The following DSCAM variants were observed in gnomAD, a reference collection of about 807,000 sequenced individuals.
DSCAM encodes cell adhesion molecule DSCAM.
In DSCAM, 47 loss-of-function variants were observed where a neutral mutation model predicts 217.7. That is an observed-to-expected ratio of 0.22 (90% CI 0.17 to 0.28). The LOEUF (loss-of-function observed/expected upper bound fraction) is 0.28. Ranked by LOEUF, DSCAM falls within the 10% of genes least tolerant of loss-of-function variation. The probability of loss-of-function intolerance (pLI) is 1.00; values close to 1 mark genes in which losing one functional copy is unlikely to be tolerated. For synonymous variants in DSCAM, 1,056 were observed against 1,015.3 expected, an observed-to-expected ratio of 1.04 and a Z score of -0.76; for missense variants, 2,080 against 2,618.3, an observed-to-expected ratio of 0.79 and a Z score of 4.49.
chr21:40,612,413 T>C (rs969335429), intron 3 of DSCAM, among the ~76,000 whole-genome samples: 1 of 152,032 alleles, frequency 6.6e-6, no homozygotes, highest in Non-Finnish European at 1.5e-5. Flanking sequence ...ATGCTAGAGA[T>C]AGCATGTGGA....
chr21:40,190,061 A>G (rs562315738), intron 11 of DSCAM, among the ~76,000 whole-genome samples: 64 of 152,302 alleles, frequency 4.2e-4, no homozygotes, highest in African/African-American at 1.4e-3. Context: ...GCAAACCTTT[A>G]TCAGTCACTG....
intron 3 of DSCAM, among the ~76,000 whole-genome samples, chr21:40,660,240 C>G (rs1201041171): frequency 1.3e-5 from 2 of 152,070 alleles, no homozygotes; most frequent in Non-Finnish European, 2.9e-5. Flanking sequence ...AGATCGTATA[C>G]TGTGCCCTCT....
chr21:40,439,440 T>G (rs1292653843), intron 3 of DSCAM, among the ~76,000 whole-genome samples: 4 of 152,144 alleles, frequency 2.6e-5, no homozygotes, highest in Non-Finnish European at 5.9e-5. Context: ...TGAAACATAG[T>G]TCTATAAAGG....
intron 11 of DSCAM, among the ~76,000 whole-genome samples, chr21:40,245,469 A>G (rs1485643051): frequency 6.6e-6 from 1 of 152,156 alleles, no homozygotes; most frequent in Non-Finnish European, 1.5e-5. Context: ...GTGATTTCGC[A>G]TGAGGTTCCC....
intron 11 of DSCAM, among the ~76,000 whole-genome samples, chr21:40,214,066 G>A (rs80002728): frequency 0.035 from 5,260 of 152,262 alleles, 130 homozygotes; most frequent in African/African-American, 0.066. Flanking sequence ...GCAAACACAC[G>A]AAGCGAGACA....
intron 3 of DSCAM, among the ~76,000 whole-genome samples, chr21:40,441,870 A>ACTCAT (rs1481249629): frequency 1.3e-5 from 2 of 151,696 alleles, no homozygotes; most frequent in African/African-American, 4.8e-5. Context: ...TTTGTTGGCA[A>ACTCAT]CTCATCTCCA....
intron 19 of DSCAM, among the ~76,000 whole-genome samples, chr21:40,129,283 T>C (rs2090130455): frequency 6.6e-6 from 1 of 152,236 alleles, no homozygotes; most frequent in Non-Finnish European, 1.5e-5. Flanking sequence ...ACAGCTGTCA[T>C]CCCACCAAGC....
chr21:40,425,872 A>T (rs984506216), intron 3 of DSCAM, among the ~76,000 whole-genome samples: 1 of 152,176 alleles, frequency 6.6e-6, no homozygotes, highest in Non-Finnish European at 1.5e-5. Flanking sequence ...TGTTAACTAT[A>T]TATGTTATAT....
At chr21:40,342,211 T>C (rs1003293832) in intron 6 of DSCAM, among the ~76,000 whole-genome samples, 1 of 152,158 alleles carries the variant, frequency 6.6e-6, no homozygotes, top group African/African-American at 2.4e-5. Flanking sequence ...AGTATCTATG[T>C]CAGATATCTT....
At chr21:40,733,953 T>C (rs1789938912) in intron 1 of DSCAM, among the ~76,000 whole-genome samples, 1 of 152,212 alleles carries the variant, frequency 6.6e-6, no homozygotes, top group African/African-American at 2.4e-5. Flanking sequence ...TATATCTTTC[T>C]GTTAATTGAT....
At chr21:40,251,446 C>T (rs545730200) in intron 11 of DSCAM, among the ~76,000 whole-genome samples, 11 of 152,206 alleles carry the variant, frequency 7.2e-5, no homozygotes, top group African/African-American at 1.9e-4. Flanking sequence ...TTTCCTTCTA[C>T]GTAGATCAGA....
intron 14 of DSCAM, 90 bp from the exon 15 acceptor site, chr21:40,179,184 C>CAGAAAAAAA (rs2090770116): frequency 1.0e-5 from 1 of 100,438 alleles, no homozygotes; most frequent in African/African-American, 5.5e-5. Flanking sequence ...AATTAAAAAC[C>CAGAAAAAAA]AAAAAAAAAA....
At chr21:40,186,439 A>G (rs569835919) in intron 14 of DSCAM, among the ~76,000 whole-genome samples, 25 of 152,278 alleles carry the variant, frequency 1.6e-4, no homozygotes, top group African/African-American at 6.0e-4. Flanking sequence ...AATTCTGACT[A>G]GAGGCCACTG....
intron 26 of DSCAM, among the ~76,000 whole-genome samples, chr21:40,076,210 T>C (rs771589703): frequency 2.7e-4 from 41 of 152,104 alleles, no homozygotes; most frequent in Non-Finnish European, 5.6e-4. Flanking sequence ...TCTCCCAACT[T>C]TAAAGTGTTT....
intron 3 of DSCAM, among the ~76,000 whole-genome samples, chr21:40,458,982 A>C (rs1019521532): frequency 3.3e-5 from 5 of 152,160 alleles, no homozygotes; most frequent in Non-Finnish European, 7.4e-5. Flanking sequence ...AGCAATGCTC[A>C]GGAGACATTT....
At chr21:40,815,784 A>G (rs1288895789) in intron 1 of DSCAM, among the ~76,000 whole-genome samples, 2 of 152,122 alleles carry the variant, frequency 1.3e-5, no homozygotes, top group East Asian at 3.9e-4. Context: ...CTGAACACAC[A>G]CCTCTAGTGA....
intron 3 of DSCAM, among the ~76,000 whole-genome samples, chr21:40,616,761 T>C (rs933919808): frequency 3.3e-5 from 5 of 152,092 alleles, no homozygotes; most frequent in African/African-American, 9.7e-5. Context: ...CTCACGCCTG[T>C]AATCCCAGCA....
intron 3 of DSCAM, among the ~76,000 whole-genome samples, chr21:40,602,604 G>A (rs1362754748): frequency 6.6e-6 from 1 of 151,928 alleles, no homozygotes; most frequent in Non-Finnish European, 1.5e-5. Flanking sequence ...TCAAATTTAT[G>A]GCTACAGGGC....
intron 16 of DSCAM, among the ~76,000 whole-genome samples, chr21:40,149,854 C>A (rs1305704241): frequency 1.3e-5 from 2 of 150,742 alleles, no homozygotes; most frequent in Non-Finnish European, 3.0e-5. Flanking sequence ...CAACATCCAT[C>A]ACTCCATCAC....
Sources: allele counts gnomAD v4.1 joint callset (sites outside exome capture counted in the v4.1 genomes callset), GRCh38; gene constraint gnomAD v4.1.1; transcripts MANE v1.5; gene names NCBI Gene and HGNC (gene_info 2026-07-23, HGNC 2026-07-21).